SYBU: variants seen among roughly 807,000 people sequenced by gnomAD.
The protein encoded by SYBU is syntabulin.
Under a neutral mutation model 35.9 loss-of-function variants are expected in SYBU, and 21 were observed. The ratio of observed to expected loss-of-function variants is 0.58; its 90% CI spans 0.41 to 0.84. The LOEUF is 0.84. Ranked by LOEUF, SYBU falls within the 40% of genes least tolerant of loss-of-function variation. SYBU has a pLI of 0.00. For synonymous variants in SYBU, 319 were observed against 324.3 expected, an observed-to-expected ratio of 0.98 and a Z score of 0.18; for missense variants, 768 against 848.2, an observed-to-expected ratio of 0.91 and a Z score of 1.17.
chr8:109,574,981 G>C lies in SYBU; in HGVS notation c.1917C>G (p.Ile639Met), dbSNP rs947415212. 1 of 1,543,248 alleles carries C rather than the reference G, an allele frequency of 6.5e-7. No individual in the cohort carries two copies. Among genetic ancestry groups the C allele is most frequent in the East Asian group, 2.3e-5 (1 of 44,182 alleles). ...CGCAACAGCCCCTGAGCAAGGCCCC[G>C]ATGTTATACACAGGATCCGTTCCCC... is the stretch of plus-strand genomic sequence containing the variant. ...QRGGTDPVYN[I>M]GALLRGCCVV... The change falls in exon 7 of 7, where the codon ATC becomes ATG. Residue 639 changes from isoleucine to methionine, a missense_variant. Ile to Met is a conservative substitution (Grantham distance 10, BLOSUM62 1). Transcript: ENST00000276646.
chr8:109,656,707 T>C (rs1816369220), intron 1 of SYBU, among the ~76,000 whole-genome samples: 1 of 152,202 alleles, frequency 6.6e-6, no homozygotes, highest in Non-Finnish European at 1.5e-5. Context: ...GCCCTTGCTG[T>C]GTACCAAGAA....
chr8:109,615,248 T>G (rs1188872628), intron 3 of SYBU, among the ~76,000 whole-genome samples: 3 of 152,178 alleles, frequency 2.0e-5, no homozygotes, highest in Admixed American at 6.5e-5. Flanking sequence ...TGAGTTGACT[T>G]ATTTTTAAAA....
In SYBU at chr8:109,578,054, C is replaced by T. The variant is rs200501836; in HGVS notation, c.735-37G>A. ...CAAGTAATGAAATGTTACTTTTTGC[C>T]GTTTCCTTTTCTATAAAAAGAAGAG... On this transcript the variant is annotated intron_variant, in intron 5 of 6. Coordinates refer to ENST00000276646, the MANE Select transcript of SYBU (RefSeq NM_001099754.2). 1.9e-5 allele frequency: 30 copies of T among 1,583,956 alleles called. No individual in the cohort carries two copies. In the Middle Eastern group the frequency reaches 9.1e-4, roughly 48 times the overall value.
upstream of SYBU, among the ~76,000 whole-genome samples, chr8:109,683,493 C>G (rs866081820): frequency 1.8e-4 from 28 of 152,322 alleles, no homozygotes; most frequent in African/African-American, 6.7e-4. Context: ...CCTGTACCCC[C>G]ATTGTATCTG....
chr8:109,586,089 C>G lies in SYBU; in HGVS notation c.501G>C (p.Ala167=). ...ISAPEVHMST[A]GSKRSSSSRN... ...GTGAAGAAGAAGACCGCTTGCTTCC[C>G]GCAGTCGACATATGGACCTCAGGAG... Residue 167 remains alanine, a synonymous_variant, in exon 4 of 7, where the codon GCG becomes GCC. Transcript: ENST00000276646. 6.2e-7 allele frequency: 1 copy of G among 1,611,710 alleles called. No individual in the cohort carries two copies. The highest frequency in any genetic ancestry group is 1.1e-5 in the South Asian group (1 of 90,208).
At chr8:109,605,690 A>AT (rs1005061870) in intron 3 of SYBU, among the ~76,000 whole-genome samples, 4 of 152,220 alleles carry the variant, frequency 2.6e-5, no homozygotes, top group African/African-American at 7.2e-5. Flanking sequence ...GGTTTTATGT[A>AT]TTTTTTTGGC....
intron 3 of SYBU, among the ~76,000 whole-genome samples, chr8:109,616,431 T>C (rs915898747): frequency 6.6e-6 from 1 of 152,190 alleles, no homozygotes; most frequent in Non-Finnish European, 1.5e-5. Flanking sequence ...GTGAATTCTG[T>C]ATATATACAC....
intron 3 of SYBU, among the ~76,000 whole-genome samples, chr8:109,598,860 T>C (rs148943363): frequency 2.0e-5 from 3 of 152,352 alleles, no homozygotes; most frequent in African/African-American, 7.2e-5. Context: ...ATCAAGCATA[T>C]GAAAGAGGTA....
rs900435545 is a variant in SYBU at position 109,691,017 on chromosome 8, C to T, written c.-58+316G>A. ...CCAGTAAAGGGAGATTCAAAACCGA[C>T]GGCCTATACATTAGCCTGGCTAATC... On this transcript the variant is annotated intron_variant, in intron 1 of 7. Transcript: ENST00000422135. This position sits in a 1 kb window ranked among gnomAD's most constrained non-coding sequence, Gnocchi z 4.7. 1.3e-5 allele frequency among the ~76,000 whole-genome samples: 2 copies of T among 152,208 alleles called. No individual in the cohort carries two copies. The highest frequency in any genetic ancestry group is 2.9e-5 in the Non-Finnish European group (2 of 68,036).
At chr8:109,612,573 C>T (rs955811851) in intron 3 of SYBU, among the ~76,000 whole-genome samples, 3 of 152,206 alleles carry the variant, frequency 2.0e-5, no homozygotes, top group African/African-American at 7.2e-5. Flanking sequence ...TTTCTGCCTT[C>T]ATATACATTG....
rs1449026041 is a variant in SYBU at position 109,607,978 on chromosome 8, T to C, written c.427+10864A>G. 3.3e-6 allele frequency: 5 copies of C among 1,534,650 alleles called. No individual in the cohort carries two copies. In the South Asian group the frequency reaches 6.0e-5, roughly 18 times the overall value. On this transcript the variant is annotated intron_variant, in intron 3 of 6. Coordinates refer to ENST00000276646, the MANE Select transcript of SYBU (RefSeq NM_001099754.2). ...CTGCAAACAGCCTCCCAGCACAGGC[T>C]GGGGTATGTCTTTTGCAGAAATACA...
upstream of SYBU, chr8:109,646,085 A>T (rs894867490): frequency 8.5e-5 from 13 of 152,274 alleles, no homozygotes; most frequent in Non-Finnish European, 1.5e-4. Flanking sequence ...CCAACTGGGG[A>T]CTTAGAATAG....
intron 1 of SYBU, among the ~76,000 whole-genome samples, chr8:109,671,462 A>G (rs1031092585): frequency 6.6e-6 from 1 of 152,214 alleles, no homozygotes; most frequent in African/African-American, 2.4e-5. Context: ...TGAGGATGGC[A>G]GATGGCCCTC....
chr8:109,656,754 C>T (rs1473080799), intron 1 of SYBU, among the ~76,000 whole-genome samples: 1 of 152,088 alleles, frequency 6.6e-6, no homozygotes, highest in East Asian at 1.9e-4. Context: ...AGTACTTTAC[C>T]TTGGTAGTAC....
chr8:109,682,110 G>A (rs192385082), upstream of SYBU, among the ~76,000 whole-genome samples: 2 of 152,230 alleles, frequency 1.3e-5, no homozygotes, highest in East Asian at 1.9e-4. Context: ...TTAGCAGCAC[G>A]AGAATAGACT....
Position 109,575,943 on chromosome 8 carries a change from G to GA in SYBU, c.954dup (p.His319SerfsTer17), listed in dbSNP as rs1822235959. The GA allele has an allele frequency of 3.1e-6, 5 of 1,611,462 alleles. No homozygotes were observed. The Admixed American group carries it at 5.0e-5, about 16-fold the overall frequency. ...AGTGCCAACTGGGCCTCTACCCGGT[G>GA]ACACTCCTCCTCAATCCAGTCCTCT... On this transcript the variant is annotated frameshift_variant, in exon 7 of 7. Coordinates refer to ENST00000276646, the MANE Select transcript of SYBU (RefSeq NM_001099754.2). LOFTEE classifies it low-confidence loss of function (END_TRUNC).
chr8:109,575,791 C>G lies in SYBU; in HGVS notation c.1107G>C (p.Leu369=). 1.2e-6 allele frequency: 2 copies of G among 1,614,146 alleles called. 1 individual carries two copies. The highest frequency in any genetic ancestry group is 2.7e-5 in the African/African-American group (2 of 75,038). ...FVDINIQNKK[L]ESLLQSMEMA... ...TCTCCATGCTCTGAAGGAGAGACTC[C>G]AGCTTCTTGTTTTGGATGTTTATGT... Residue 369 remains leucine (L), a synonymous_variant, in exon 7 of 7, where the codon CTG becomes CTC. Coordinates refer to ENST00000276646, the MANE Select transcript of SYBU (RefSeq NM_001099754.2).
chr8:109,686,255 G>T (rs1817517194), intron 1 of SYBU, among the ~76,000 whole-genome samples: 1 of 151,860 alleles, frequency 6.6e-6, no homozygotes, highest in Non-Finnish European at 1.5e-5. Flanking sequence ...GGGAGCGACA[G>T]GAAATGTTCC....
At chr8:109,620,659 G>A (rs958907656) in intron 2 of SYBU, among the ~76,000 whole-genome samples, 1 of 152,148 alleles carries the variant, frequency 6.6e-6, no homozygotes, top group African/African-American at 2.4e-5. Flanking sequence ...TTAGGGTGCT[G>A]CTCATGCCTG....
Sources: gnomAD v4.1 joint callset for allele counts (sites outside exome capture counted in the v4.1 genomes callset) on GRCh38, gnomAD v4.1.1 for gene constraint, Gnocchi (gnomAD v3.1) non-coding constraint, MANE v1.5 for transcripts, NCBI Gene and HGNC (gene_info 2026-07-23, HGNC 2026-07-21) for gene names.